The following FAR2 variants were observed in gnomAD, a reference collection of about 807,000 sequenced individuals.
The protein encoded by FAR2 is epididymis secretory protein Li 81.
FAR2 carries 19 observed loss-of-function variants against 56.0 expected under a neutral mutation model. The observed-to-expected ratio is 0.34, with a 90% CI of 0.24 to 0.50. The LOEUF is 0.50. Ranked by LOEUF, FAR2 falls within the 20% of genes least tolerant of loss-of-function variation. The pLI, the probability that FAR2 is intolerant of heterozygous loss-of-function variation, is 0.98. For missense variants in FAR2, 508 were observed against 642.2 expected, an observed-to-expected ratio of 0.79 and a Z score of 2.26; for synonymous variants, 219 against 218.8, an observed-to-expected ratio of 1.00 and a Z score of -0.01.
intron 1 of FAR2, among the ~76,000 whole-genome samples, chr12:29,181,844 C>T (rs901061820): frequency 2.6e-5 from 4 of 152,132 alleles, no homozygotes; most frequent in African/African-American, 9.7e-5. Context: ...TAAAAGCAAA[C>T]ACAAAAGAAA....
At chr12:29,238,654 A>G (rs1947978816) in intron 1 of FAR2, among the ~76,000 whole-genome samples, 1 of 152,158 alleles carries the variant, frequency 6.6e-6, no homozygotes, top group South Asian at 2.1e-4. Flanking sequence ...TAAACTGTAC[A>G]TAAGTAAAAA....
intron 9 of FAR2, among the ~76,000 whole-genome samples, chr12:29,321,303 C>T (rs1949547096): frequency 6.6e-6 from 1 of 152,228 alleles, no homozygotes; most frequent in South Asian, 2.1e-4. Context: ...AGGCAGCTGG[C>T]TCCCTTGAGC....
At chr12:29,246,889 C>T (rs562025295) in intron 1 of FAR2, among the ~76,000 whole-genome samples, 5 of 151,026 alleles carry the variant, frequency 3.3e-5, no homozygotes, top group African/African-American at 1.2e-4. Flanking sequence ...GAACAAGTTC[C>T]TATGGAGACA....
intron 1 of FAR2, among the ~76,000 whole-genome samples, chr12:29,257,883 C>T (rs190966101): frequency 7.2e-5 from 11 of 152,182 alleles, no homozygotes; most frequent in South Asian, 2.1e-4. Context: ...CCACCAATTC[C>T]GGCCACAGGA....
In FAR2 at chr12:29,307,733, C is replaced by A. The variant is rs562540984; in HGVS notation, c.621C>A (p.Thr207=). The change falls in exon 5 of 12, where the codon ACC becomes ACA. Residue 207 remains threonine, a synonymous_variant. Transcript: ENST00000536681. The part of the protein sequence containing the change: ...IRDWPNIYTY[T]KALGEMVVQQ... ...ATTGGCCCAATATTTATACCTACAC[C>A]AAGGCCTTGGGAGAAATGGTGGTGC... 435 of 1,613,862 alleles carry A rather than the reference C, an allele frequency of 2.7e-4. No homozygotes were observed. Among genetic ancestry groups the A allele is most frequent in the Non-Finnish European group, 3.5e-4 (410 of 1,179,906 alleles).
chr12:29,321,760 C>A, intron 9 of FAR2, 35 bp from the exon 10 acceptor site: 1 of 1,605,762 alleles, frequency 6.2e-7, no homozygotes, highest in Non-Finnish European at 8.5e-7. Flanking sequence ...GGAAGTGGTG[C>A]GCTGATATTT....
At chr12:29,214,683 TG>T (rs1252026137) in intron 1 of FAR2, among the ~76,000 whole-genome samples, 3 of 151,464 alleles carry the variant, frequency 2.0e-5, no homozygotes, top group Non-Finnish European at 4.4e-5. Context: ...TAGCTAGGCG[TG>T]GGGGTGGGTG....
intron 7 of FAR2, 39 bp downstream of exon 7, chr12:29,311,185 G>T (rs1222468136): frequency 7.2e-7 from 1 of 1,397,632 alleles, no homozygotes. Flanking sequence ...ACTTCATGAG[G>T]GGCAGAGTGA....
chr12:29,233,140 C>T (rs1318246160), intron 1 of FAR2, among the ~76,000 whole-genome samples: 1 of 152,118 alleles, frequency 6.6e-6, no homozygotes, highest in Non-Finnish European at 1.5e-5. Context: ...TTCTCCTAAA[C>T]CATTTTCTTA....
intron 4 of FAR2, among the ~76,000 whole-genome samples, chr12:29,306,143 A>T (rs931374958): frequency 7.9e-5 from 12 of 152,136 alleles, no homozygotes; most frequent in Non-Finnish European, 1.5e-4. Flanking sequence ...GACTGTTAAG[A>T]TGGAGAGGTG....
chr12:29,217,129 T>A (rs1947630827), intron 1 of FAR2, among the ~76,000 whole-genome samples: 1 of 152,184 alleles, frequency 6.6e-6, no homozygotes, highest in African/African-American at 2.4e-5. Flanking sequence ...GAAAAATAGA[T>A]AAGTTATCAT....
intron 1 of FAR2, among the ~76,000 whole-genome samples, chr12:29,262,051 C>T (rs556819389): frequency 1.3e-5 from 2 of 152,318 alleles, no homozygotes; most frequent in East Asian, 3.9e-4. Context: ...GTGTAAACTA[C>T]ACTTAAGTAG....
chr12:29,174,432 T>A (rs1218974589), intron 1 of FAR2, among the ~76,000 whole-genome samples: 37 of 125,798 alleles, frequency 2.9e-4, no homozygotes, highest in African/African-American at 1.2e-3. Flanking sequence ...TCTTTTTTTT[T>A]TTTTTTTTTT....
At chr12:29,160,019 C>G (rs992722097) in intron 1 of FAR2, among the ~76,000 whole-genome samples, 1 of 152,154 alleles carries the variant, frequency 6.6e-6, no homozygotes, top group African/African-American at 2.4e-5. Context: ...CCCTATAAGT[C>G]CTTACTTATT....
intron 1 of FAR2, among the ~76,000 whole-genome samples, chr12:29,234,434 T>A (rs10843352): frequency 1.3e-5 from 2 of 151,004 alleles, no homozygotes; most frequent in Admixed American, 6.7e-5. Flanking sequence ...TGTTTTTGCC[T>A]TCTTCTTATT....
At chr12:29,263,243 C>G (rs1948454560) in intron 1 of FAR2, among the ~76,000 whole-genome samples, 1 of 152,134 alleles carries the variant, frequency 6.6e-6, no homozygotes, top group East Asian at 1.9e-4. Context: ...ACAGACCTCT[C>G]AGACAGAAAC....
At chr12:29,321,150 A>G (rs546542521) in intron 9 of FAR2, among the ~76,000 whole-genome samples, 2 of 152,074 alleles carry the variant, frequency 1.3e-5, no homozygotes, top group East Asian at 1.9e-4. Flanking sequence ...AAACACTAAT[A>G]CAGTCAACAC....
At chr12:29,306,121 A>C (rs1472063653) in intron 4 of FAR2, among the ~76,000 whole-genome samples, 1 of 152,118 alleles carries the variant, frequency 6.6e-6, no homozygotes, top group African/African-American at 2.4e-5. Context: ...AAATGAAATG[A>C]GATAGTGGTA....
chr12:29,239,480 G>GTGTGTGTA lies in FAR2; in HGVS notation c.-38-30929_-38-30928insGTGTATGT, dbSNP rs751710237. Among the ~76,000 whole-genome samples, 593 of 151,734 alleles carry GTGTGTGTA rather than the reference G, an allele frequency of 3.9e-3. 3 individuals carry two copies. The highest frequency in any genetic ancestry group is 6.3e-3 in the Non-Finnish European group (429 of 67,930). ...TGTGTGTGTGTGTGTGTGTGTGTGT[G>GTGTGTGTA]TGTATAAAACTTTGTGTCCTTTTAC... is the stretch of plus-strand genomic sequence containing the variant. On this transcript the variant is annotated intron_variant, in intron 1 of 11. Coordinates refer to ENST00000536681, the MANE Select transcript of FAR2 (RefSeq NM_001271783.2).
Sources: allele counts gnomAD v4.1 joint callset (sites outside exome capture counted in the v4.1 genomes callset), GRCh38; gene constraint gnomAD v4.1.1; transcripts MANE v1.5; gene names NCBI Gene and HGNC (gene_info 2026-07-23, HGNC 2026-07-21).